PTGS1: variants seen among roughly 807,000 people sequenced by gnomAD.
PTGS1 encodes prostaglandin G/H synthase 1.
A neutral mutation model predicts 63.0 loss-of-function variants in PTGS1; 40 were observed. That is an observed-to-expected ratio of 0.63 (90% confidence interval 0.49 to 0.83). The LOEUF (loss-of-function observed/expected upper bound fraction) is 0.83, where lower values mean the gene tolerates loss of function less well. Among genes scored for constraint, PTGS1 ranks in the 40% least tolerant of loss-of-function variants. The pLI, the probability that PTGS1 is intolerant of heterozygous loss-of-function variation, is 0.00. For synonymous variants in PTGS1, 298 were observed against 301.9 expected (o/e 0.99, Z 0.13); for missense variants, 709 against 786.5 (o/e 0.90, Z 1.18).
chr9:122,392,000 C>T (rs774491829), intron 10 of PTGS1, among the ~76,000 whole-genome samples, 189 bp from the exon 11 acceptor site: 8 of 152,088 alleles, frequency 5.3e-5, no homozygotes, highest in Non-Finnish European at 1.2e-4. Flanking sequence ...GCAATTTGTG[C>T]TTTTCCTCTT....
intron 7 of PTGS1, among the ~76,000 whole-genome samples, chr9:122,382,481 G>C (rs560457260): frequency 3.9e-5 from 6 of 152,312 alleles, no homozygotes; most frequent in African/African-American, 1.4e-4. Context: ...AATAAGTAGA[G>C]TGACATGTCC....
chr9:122,387,597 T>C (rs891109701), intron 9 of PTGS1, among the ~76,000 whole-genome samples: 5 of 152,112 alleles, frequency 3.3e-5, no homozygotes, highest in Non-Finnish European at 7.4e-5. Flanking sequence ...CATGAAGATG[T>C]AGGGAGAAGA....
chr9:122,375,277 C>G (rs1837058429), intron 2 of PTGS1: 1 of 985,302 alleles, frequency 1.0e-6, no homozygotes, highest in Non-Finnish European at 1.2e-6. Context: ...CACAGCCTCT[C>G]TTGGCAGGGA....
In PTGS1 at chr9:122,392,387, C is replaced by T; in HGVS notation, c.1643C>T (p.Thr548Ile). ...TCTCCGGAGTACTGGAAGCCGAGCA[C>T]ATTTGGCGGCGAGGTGGGCTTTAAC... ...ICSPEYWKPS[T>I]FGGEVGFNIV... Residue 548 changes from threonine (T) to isoleucine (I), a missense_variant, in exon 11 of 11, where the codon ACA becomes ATA. By Grantham distance (89) the Thr-to-Ile change is moderately conservative. Transcript: ENST00000362012. 5 of 1,614,186 alleles carry T rather than the reference C, an allele frequency of 3.1e-6. No individual in the cohort carries two copies. Among genetic ancestry groups the T allele is most frequent in the Non-Finnish European group, 4.2e-6 (5 of 1,180,036 alleles).
At chr9:122,391,498 A>G (rs1838283534) in intron 10 of PTGS1, among the ~76,000 whole-genome samples, 1 of 148,572 alleles carries the variant, frequency 6.7e-6, no homozygotes, top group South Asian at 2.1e-4. Context: ...CCCTTGTCAC[A>G]TACAATGGGG....
chr9:122,385,035 G>A (rs904763552), intron 8 of PTGS1, among the ~76,000 whole-genome samples: 1 of 152,158 alleles, frequency 6.6e-6, no homozygotes, highest in Non-Finnish European at 1.5e-5. Flanking sequence ...TTGGCTCACT[G>A]CAACCTCTGC....
At position 122,378,888 on chromosome 9, in the gene PTGS1, A is replaced by G. The variant is rs767216209; in HGVS notation, c.466A>G (p.Lys156Glu). The G allele has an allele frequency of 6.2e-7, 1 of 1,614,104 alleles. No homozygotes were observed. Among genetic ancestry groups the G allele is most frequent in the East Asian group, 2.2e-5 (1 of 44,906 alleles). ...YYTRILPSVP[K>E]DCPTPMGTKG... Reference sequence around the variant, plus strand: ...CACTCGTATTCTGCCCTCTGTGCCTAAAGATTGCCCCACACCCATGGGAAC... The same window carrying G: ...CACTCGTATTCTGCCCTCTGTGCCTGAAGATTGCCCCACACCCATGGGAAC... Residue 156 changes from lysine to glutamate, a missense_variant, in exon 5 of 11, where the codon AAA (lysine) becomes GAA (glutamate). Transcript: ENST00000362012.
At chr9:122,378,375 T>C (rs1358988999) in intron 3 of PTGS1, 58 bp from the exon 4 acceptor site, 8 of 1,606,084 alleles carry the variant, frequency 5.0e-6, no homozygotes, top group Non-Finnish European at 5.9e-6. Flanking sequence ...TCTTCCACCC[T>C]GGCTACTTCT....
chr9:122,378,440 G>A lies in PTGS1; in HGVS notation c.219G>A (p.Leu73=), dbSNP rs1207859726. ...CTGCCATTGCCCCTGCAGCTGGCCT[G>A]TGGACCTGGCTCCGGAATTCACTGC... ...YSGPNCTIPG[L]WTWLRNSLRP... Residue 73 remains leucine, a synonymous_variant, in exon 4 of 11, where the codon CTG becomes CTA. Coordinates refer to ENST00000362012, the MANE Select transcript of PTGS1 (RefSeq NM_000962.4). 2 of 1,613,734 alleles carry A rather than the reference G, an allele frequency of 1.2e-6. No homozygotes were observed. Among genetic ancestry groups the A allele is most frequent in the African/African-American group, 2.7e-5 (2 of 74,940 alleles).
intron 8 of PTGS1, among the ~76,000 whole-genome samples, chr9:122,385,720 G>C (rs754856635): frequency 3.9e-5 from 6 of 152,108 alleles, no homozygotes; most frequent in African/African-American, 2.4e-5. Context: ...CTCTATCACC[G>C]AGGGTGTCAG....
chr9:122,370,919 G>C, upstream of PTGS1: 1 of 1,163,408 alleles, frequency 8.6e-7, no homozygotes, highest in South Asian at 1.5e-5. Flanking sequence ...GCCTTGGCCG[G>C]GGCTGGGCAG....
intron 2 of PTGS1, chr9:122,371,932 C>T: frequency 3.2e-6 from 3 of 927,302 alleles, no homozygotes. Flanking sequence ...GGTCTTTCCA[C>T]AGAAAGCTGC....
In PTGS1 at chr9:122,381,891, C is replaced by T. The variant is rs140235957; in HGVS notation, c.762+144C>T. ...AGCTTGTGCCAGGAGCGACAGTATA[C>T]GCTGGGAGGAGGCAGCAGGTATGAG... On this transcript the variant is annotated intron_variant, in intron 7 of 10. Coordinates refer to ENST00000362012, the MANE Select transcript of PTGS1 (RefSeq NM_000962.4). 206 of 832,116 alleles carry T rather than the reference C, an allele frequency of 2.5e-4. 2 individuals carry two copies. In the Middle Eastern group the frequency reaches 4.8e-3, roughly 20 times the overall value. The allele number at this position is 832,116 out of a possible 1,614,324, so 51.5% of individuals were successfully genotyped here.
chr9:122,390,810 T>C (rs971582596), intron 10 of PTGS1, among the ~76,000 whole-genome samples: 1 of 152,044 alleles, frequency 6.6e-6, no homozygotes, highest in Non-Finnish European at 1.5e-5. Context: ...GGCAGGAGAA[T>C]GGTGTGAACC....
At chr9:122,381,279 G>A (rs564256197) in intron 5 of PTGS1, 92 bp from the exon 6 acceptor site, 49 of 1,408,408 alleles carry the variant, frequency 3.5e-5, no homozygotes, top group Non-Finnish European at 4.7e-5. Context: ...TGGGCTTCCT[G>A]CTTGGGCCAG....
At chr9:122,378,192 A>G (rs1837291118) in intron 3 of PTGS1, among the ~76,000 whole-genome samples, 177 bp downstream of exon 3, 1 of 151,674 alleles carries the variant, frequency 6.6e-6, no homozygotes, top group South Asian at 2.1e-4. Flanking sequence ...CTCTTGGTCC[A>G]CCCTCACTCC....
chr9:122,381,621 G>T, intron 6 of PTGS1, 43 bp from the exon 7 acceptor site: 1 of 1,613,076 alleles, frequency 6.2e-7, no homozygotes, highest in Middle Eastern at 1.6e-4. Context: ...TCGACAGTGG[G>T]CCGGCACCCT....
chr9:122,392,087 C>T, intron 10 of PTGS1, 102 bp from the exon 11 acceptor site: 1 of 998,800 alleles, frequency 1.0e-6, no homozygotes, highest in South Asian at 1.8e-5. Context: ...CCTGGAGTCC[C>T]TATTATCCCC....
At chr9:122,381,255 T>C (rs1303256276) in intron 5 of PTGS1, 116 bp from the exon 6 acceptor site, 3 of 1,074,172 alleles carry the variant, frequency 2.8e-6, no homozygotes, top group Non-Finnish European at 4.0e-6. Context: ...GAGGTGGTCC[T>C]GAGGAGGCCA....
Sources: allele counts gnomAD v4.1 joint callset (sites outside exome capture counted in the v4.1 genomes callset), GRCh38; gene constraint gnomAD v4.1.1; transcripts MANE v1.5; gene names NCBI Gene and HGNC (gene_info 2026-07-23, HGNC 2026-07-21).